The following STRBP variants were observed in gnomAD, a reference collection of about 807,000 sequenced individuals.
STRBP encodes spermatid perinuclear RNA-binding protein.
A neutral mutation model predicts 80.1 loss-of-function variants in STRBP; 13 were observed. The observed-to-expected ratio is 0.16, with a 90% CI of 0.11 to 0.26. The LOEUF is 0.26. Ranked by LOEUF, STRBP falls within the 10% of genes least tolerant of loss-of-function variation. The pLI is 1.00. For synonymous variants in STRBP, 284 were observed against 291.2 expected (o/e 0.98, Z 0.25); for missense variants, 485 against 815.2 (o/e 0.59, Z 4.93).
intron 3 of STRBP, chr9:123,111,779 G>T (rs769244518): frequency 2.5e-4 from 88 of 354,598 alleles, no homozygotes; most frequent in Non-Finnish European, 4.1e-4. Flanking sequence ...GACAATGCAA[G>T]AAGTGTTCCT....
chr9:123,146,001 G>C (rs9886870), intron 13 of STRBP, among the ~76,000 whole-genome samples: 50,505 of 151,206 alleles, frequency 0.33, 12,731 homozygotes, highest in East Asian at 0.78. Flanking sequence ...CAGGAACTTT[G>C]TTTCATTAAC....
rs1395679277 is a variant in STRBP at position 123,180,967 on chromosome 9, CTTGT to C, written c.4-1744_4-1741del. 16 of 981,276 alleles carry C rather than the reference CTTGT, an allele frequency of 1.6e-5. No individual in the cohort carries two copies. In the Admixed American group the frequency reaches 2.5e-4, roughly 15 times the overall value. The allele number at this position is 981,276 out of a possible 1,614,324, so 60.8% of individuals were successfully genotyped here. On this transcript the variant is annotated intron_variant, in intron 3 of 18. Transcript: ENST00000348403. ...TATGAACAGTCTTGCCTCTTTTGTTCTTGTTTATCTATGTTTAAAAATCACATTA... is the reference window on the plus strand; with the variant it reads ...TATGAACAGTCTTGCCTCTTTTGTTCTTATCTATGTTTAAAAATCACATTA...
chr9:123,180,314 T>C (rs571744857), intron 3 of STRBP, among the ~76,000 whole-genome samples: 2 of 152,298 alleles, frequency 1.3e-5, no homozygotes, highest in Admixed American at 1.3e-4. Flanking sequence ...TAAAAAGTTA[T>C]CTGTGAACAC....
At chr9:123,158,545 A>T (rs927487852) in intron 9 of STRBP, 116 bp from the exon 10 acceptor site, 6 of 848,688 alleles carry the variant, frequency 7.1e-6, no homozygotes, top group Non-Finnish European at 1.1e-5. Context: ...AAAACTGAGG[A>T]ACTAAGTTAA....
chr9:123,194,391 C>T (rs573662254), intron 2 of STRBP, among the ~76,000 whole-genome samples: 46 of 152,252 alleles, frequency 3.0e-4, no homozygotes, highest in African/African-American at 1.1e-3. Flanking sequence ...CAGTAATCAT[C>T]CCCTCTTCTC....
At chr9:123,111,284 G>A (rs1182174662) in intron 3 of STRBP, 1 of 210,200 alleles carries the variant, frequency 4.8e-6, no homozygotes, top group South Asian at 7.8e-5. Flanking sequence ...TGGAGAGCAC[G>A]AGATACCCAG....
intron 16 of STRBP, among the ~76,000 whole-genome samples, chr9:123,134,082 G>A (rs933431999): frequency 6.6e-6 from 1 of 152,008 alleles, no homozygotes; most frequent in East Asian, 1.9e-4. Flanking sequence ...AGATAACACC[G>A]GGAGTAACAG....
Position 123,125,660 on chromosome 9 carries a change from T to C in STRBP, c.1956A>G (p.Arg652=). ...TAAPAYGLPK[R]MVLLPVMKFP... ...ATTTCATAACGGGTAACAGAACCAT[T>C]CTCTTGGGTAAACCTACAGAGAAAA... is the stretch of plus-strand genomic sequence containing the variant. Residue 652 remains arginine, a synonymous_variant, in exon 19 of 19, where the codon AGA becomes AGG. Coordinates refer to ENST00000348403, the MANE Select transcript of STRBP (RefSeq NM_018387.5). 1 of 1,613,244 alleles carries C rather than the reference T, an allele frequency of 6.2e-7. No individual in the cohort carries two copies. The highest frequency in any genetic ancestry group is 8.5e-7 in the Non-Finnish European group (1 of 1,179,682).
At chr9:123,253,245 T>C (rs182293015) in intron 1 of STRBP, among the ~76,000 whole-genome samples, 23 of 152,314 alleles carry the variant, frequency 1.5e-4, no homozygotes, top group Admixed American at 1.2e-3. Context: ...AGAAGCTACA[T>C]TGCCATTTCT....
chr9:123,180,918 C>T, intron 3 of STRBP: 1 of 984,888 alleles, frequency 1.0e-6, no homozygotes, highest in Non-Finnish European at 1.2e-6. Context: ...AAGTCCATCG[C>T]AAACTAAAAC....
rs995335761 is a variant in STRBP at position 123,184,204 on chromosome 9, T to C, written c.-70A>G. On this transcript the variant is annotated 5_prime_UTR_variant, in exon 3 of 19. Transcript: ENST00000348403. Reference sequence around the variant, plus strand: ...CTTTCTTGTCGTCTTCACTAGACACTGTTTTGTGTAACAATACCTCCTCAT... The same window carrying C: ...CTTTCTTGTCGTCTTCACTAGACACCGTTTTGTGTAACAATACCTCCTCAT... 1.2e-5 allele frequency: 18 copies of C among 1,530,460 alleles called. No individual in the cohort carries two copies. The highest frequency in any genetic ancestry group is 1.6e-5 in the Non-Finnish European group (18 of 1,116,894). 94.8% of individuals were successfully genotyped at this position (1,530,460 alleles called of 1,614,324 possible). A position where few individuals can be genotyped will look rare whatever the true frequency, so the allele number is the denominator to read the frequency against.
intron 2 of STRBP, among the ~76,000 whole-genome samples, chr9:123,232,783 T>C (rs1414159158): frequency 1.3e-5 from 2 of 152,228 alleles, no homozygotes; most frequent in South Asian, 2.1e-4. Context: ...TTCTGGTTCT[T>C]GGTTCCAGCC....
chr9:123,162,218 TG>T, intron 6 of STRBP, among the ~76,000 whole-genome samples: 1 of 124,452 alleles, frequency 8.0e-6, no homozygotes, highest in East Asian at 2.0e-4. Flanking sequence ...ATGTTTATTC[TG>T]TGGTTTTTTT....
At chr9:123,204,872 C>T (rs573076828) in intron 2 of STRBP, among the ~76,000 whole-genome samples, 6 of 145,072 alleles carry the variant, frequency 4.1e-5, no homozygotes, top group South Asian at 2.2e-4. Context: ...TGCAGTGAGC[C>T]GAGACTGCGC....
chr9:123,204,992 G>A (rs996539599), intron 2 of STRBP, among the ~76,000 whole-genome samples: 30 of 149,398 alleles, frequency 2.0e-4, no homozygotes, highest in African/African-American at 5.7e-4. Flanking sequence ...GGCCAGGCAC[G>A]GTAGCTCACA....
At chr9:123,146,235 T>C (rs566252918) in intron 13 of STRBP, among the ~76,000 whole-genome samples, 2 of 152,194 alleles carry the variant, frequency 1.3e-5, no homozygotes, top group South Asian at 4.1e-4. Flanking sequence ...GGAAATTTTC[T>C]ACAAACCTAC....
In STRBP at chr9:123,128,277, A is replaced by C. The variant is rs201104391; in HGVS notation, c.1898-19T>G. ...CCATAGCCTAGTGCAAAGAAGAAGA[A>C]GGCAGATCAGTCCAAGACCCAGGGC... On this transcript the variant is annotated intron_variant, in intron 17 of 18. Transcript: ENST00000348403. 1.8e-5 allele frequency: 29 copies of C among 1,614,120 alleles called. No homozygotes were observed. In the African/African-American group the frequency reaches 2.4e-4, roughly 13 times the overall value.
intron 10 of STRBP, 87 bp from the exon 11 acceptor site, chr9:123,158,210 TTC>T: frequency 1.4e-6 from 2 of 1,481,098 alleles, no homozygotes; most frequent in Non-Finnish European, 1.9e-6. Flanking sequence ...CACTCATAAA[TTC>T]TGACATTATA....
intron 1 of STRBP, among the ~76,000 whole-genome samples, chr9:123,267,910 C>T (rs555472790): frequency 6.6e-6 from 1 of 150,444 alleles, no homozygotes; most frequent in African/African-American, 2.4e-5. Flanking sequence ...CCATCTCGCA[C>T]TCGCCTGGCC....
Sources: allele counts gnomAD v4.1 joint callset (sites outside exome capture counted in the v4.1 genomes callset), GRCh38; gene constraint gnomAD v4.1.1; transcripts MANE v1.5; gene names NCBI Gene and HGNC (gene_info 2026-07-23, HGNC 2026-07-21).